Variants in PGPEP1 observed in about 807,000 individuals in gnomAD.
PGPEP1 encodes the protein pyroglutamyl-peptidase I.
A neutral mutation model predicts 24.1 loss-of-function variants in PGPEP1; 15 were observed. The observed-to-expected ratio is 0.62, with a 90% CI of 0.42 to 0.96. PGPEP1 has a LOEUF of 0.96. PGPEP1 is among the 40% of genes least tolerant of loss of function. The probability of loss-of-function intolerance (pLI) is 0.00; values close to 1 mark genes in which losing one functional copy is unlikely to be tolerated. For synonymous variants in PGPEP1, 122 were observed against 116.4 expected, an observed-to-expected ratio of 1.05 and a Z score of -0.31; for missense variants, 242 against 273.4, an observed-to-expected ratio of 0.89 and a Z score of 0.81.
At chr19:18,349,545 G>A (rs541237878) in intron 2 of PGPEP1, among the ~76,000 whole-genome samples, 1 of 152,302 alleles carries the variant, frequency 6.6e-6, no homozygotes, top group East Asian at 1.9e-4. Flanking sequence ...GTGCCCATTA[G>A]GGAAAAGACA....
intron 2 of PGPEP1, among the ~76,000 whole-genome samples, chr19:18,353,479 G>T (rs1971094641): frequency 6.6e-6 from 1 of 152,012 alleles, no homozygotes; most frequent in South Asian, 2.1e-4. Flanking sequence ...TAAAGCACTG[G>T]GATTACAGGC....
At chr19:18,353,121 G>A (rs191433360) in intron 2 of PGPEP1, among the ~76,000 whole-genome samples, 4 of 151,536 alleles carry the variant, frequency 2.6e-5, no homozygotes, top group African/African-American at 9.7e-5. Flanking sequence ...GTTTCACCAC[G>A]TTGGCCAGGT....
At chr19:18,344,698 C>G (rs111399616) in intron 2 of PGPEP1, among the ~76,000 whole-genome samples, 1 of 152,026 alleles carries the variant, frequency 6.6e-6, no homozygotes, top group Non-Finnish European at 1.5e-5. Context: ...ACCCGCTCCC[C>G]GGAGAGCCAG....
chr19:18,346,086 A>G (rs964838710), intron 2 of PGPEP1, among the ~76,000 whole-genome samples: 5 of 151,896 alleles, frequency 3.3e-5, no homozygotes, highest in African/African-American at 1.2e-4. Flanking sequence ...CAGAAGCCCC[A>G]CATAGCCTCT....
At chr19:18,361,929 A>C in intron 4 of PGPEP1, 4 of 967,638 alleles carry the variant, frequency 4.1e-6, no homozygotes, top group Non-Finnish European at 4.9e-6. Context: ...GCTGTACCAC[A>C]TTCCTTGTAA....
rs59936417 is a variant in PGPEP1 at position 18,347,270 on chromosome 19, C to CTTTTTTTTTTTTTTT, written c.87+4363_87+4377dup. Among the ~76,000 whole-genome samples, 270 of 94,386 alleles carry CTTTTTTTTTTTTTTT rather than the reference C, an allele frequency of 2.9e-3. 1 individual carries two copies. Among genetic ancestry groups the CTTTTTTTTTTTTTTT allele is most frequent in the Non-Finnish European group, 4.0e-3 (203 of 51,292 alleles). The allele number at this position is 94,386 out of a possible 152,430, so 61.9% of individuals were successfully genotyped here. ...CTAATTTTTTTTTCTTTCTTTCTTT[C>CTTTTTTTTTTTTTTT]TTTTTTTTTTTTTTTTTTGTAGAGA... On this transcript the variant is annotated intron_variant, in intron 2 of 4. Transcript: ENST00000269919.
intron 4 of PGPEP1, chr19:18,357,886 C>T: frequency 2.1e-6 from 1 of 486,696 alleles, no homozygotes; most frequent in Non-Finnish European, 3.8e-6. Flanking sequence ...TCTCAGTCTT[C>T]CTCCCTGCTG....
At chr19:18,351,525 G>A (rs993900281) in intron 2 of PGPEP1, among the ~76,000 whole-genome samples, 2 of 150,852 alleles carry the variant, frequency 1.3e-5, no homozygotes, top group African/African-American at 4.9e-5. Flanking sequence ...TTGGGAGGCT[G>A]AGGCTGGAGA....
rs1971422438 is a variant in PGPEP1 at position 18,363,649 on chromosome 19, G to A, written c.*66G>A. The stretch of plus-strand genomic sequence containing the variant: ...CCCACGAGGGGACATCCACCCTCTG[G>A]GGTGTGGCCAGGAAAAGACAAGCTC... On this transcript the variant is annotated 3_prime_UTR_variant, in exon 5 of 5. Transcript: ENST00000269919. 2.4e-6 allele frequency: 3 copies of A among 1,265,516 alleles called. No individual in the cohort carries two copies. Among genetic ancestry groups the A allele is most frequent in the Non-Finnish European group, 3.3e-6 (3 of 900,490 alleles). 78.4% of individuals were successfully genotyped at this position (1,265,516 alleles called of 1,614,324 possible).
At chr19:18,344,409 C>A (rs1261644605) in intron 2 of PGPEP1, among the ~76,000 whole-genome samples, 1 of 152,030 alleles carries the variant, frequency 6.6e-6, no homozygotes, top group East Asian at 1.9e-4. Flanking sequence ...CAGAGCCAAA[C>A]CCCTGTTTAT....
chr19:18,342,777 C>T, intron 1 of PGPEP1, 82 bp from the exon 2 acceptor site: 1 of 1,064,200 alleles, frequency 9.4e-7, no homozygotes, highest in Non-Finnish European at 1.5e-6. Flanking sequence ...TCTTGCTTCT[C>T]CAGGTGGGAG....
chr19:18,354,097 T>A (rs965480392), intron 2 of PGPEP1, among the ~76,000 whole-genome samples: 2 of 152,046 alleles, frequency 1.3e-5, no homozygotes, highest in African/African-American at 4.8e-5. Context: ...TAGCTGGGCG[T>A]GATCCCGCAT....
rs1225683786 is a variant in PGPEP1, at chr19:18,368,029, A to T, written c.*4446A>T. The T allele has an allele frequency of 1.3e-5, 2 of 151,908 alleles. No individual in the cohort carries two copies. Among genetic ancestry groups the T allele is most frequent in the African/African-American group, 2.4e-5 (1 of 41,308 alleles). The allele number at this position is 151,908 out of a possible 1,614,324, so 9.4% of individuals were successfully genotyped here. A position where few individuals can be genotyped will look rare whatever the true frequency, so the allele number is the denominator to read the frequency against. ...GCACCTGTAGTCCCAGCTACTTGGG[A>T]GGCTGAGTTGGGAGGCTTATCTGAG... On this transcript the variant is annotated 3_prime_UTR_variant, in exon 5 of 5. Coordinates refer to ENST00000269919, the MANE Select transcript of PGPEP1 (RefSeq NM_017712.4).
chr19:18,361,991 T>A (rs1971358511), intron 4 of PGPEP1: 2 of 496,574 alleles, frequency 4.0e-6, no homozygotes. Flanking sequence ...ACTAAGCCAC[T>A]CCCTGTCAGT....
Position 18,357,628 on chromosome 19 carries a change from G to A in PGPEP1, c.437+13G>A, listed in dbSNP as rs750028114. On this transcript the variant is annotated intron_variant, in intron 4 of 4. Transcript: ENST00000269919. ...AGGATGCCGGCAGGTAGGGCCCTGT[G>A]GGGTGGGAGTGAGTGGGGATTTCCC... The A allele has an allele frequency of 2.5e-6, 4 of 1,570,984 alleles. No individual in the cohort carries two copies. Among genetic ancestry groups the A allele is most frequent in the Non-Finnish European group, 3.5e-6 (4 of 1,152,766 alleles).
At chr19:18,345,544 A>G (rs1005922611) in intron 2 of PGPEP1, among the ~76,000 whole-genome samples, 5 of 150,874 alleles carry the variant, frequency 3.3e-5, no homozygotes, top group Admixed American at 3.3e-4. Flanking sequence ...CCAACATAGC[A>G]AGACCCCATC....
intron 4 of PGPEP1, among the ~76,000 whole-genome samples, chr19:18,359,122 A>T (rs1056376721): frequency 3.3e-5 from 5 of 151,926 alleles, no homozygotes; most frequent in Admixed American, 2.0e-4. Flanking sequence ...ACCCCATCTG[A>T]ACAAGTAAAA....
At position 18,342,887 on chromosome 19, in the gene PGPEP1, G is replaced by T; in HGVS notation, c.63G>T (p.Val21=). 6.2e-7 allele frequency: 1 copy of T among 1,613,924 alleles called. No homozygotes were observed. Among genetic ancestry groups the T allele is most frequent in the Non-Finnish European group, 8.5e-7 (1 of 1,179,806 alleles). Residue 21 remains valine (V), a synonymous_variant, in exon 2 of 5, where the codon GTG becomes GTT. Transcript: ENST00000269919. ...TTGGCCCTTTTGGGGAACACACCGT[G>T]AACGCCAGTTGGATTGCAGTTCAGG... ...TGFGPFGEHT[V]NASWIAVQEL... is the part of the protein sequence containing the mutation.
intron 2 of PGPEP1, among the ~76,000 whole-genome samples, chr19:18,351,204 G>A (rs1458234338): frequency 6.6e-6 from 1 of 151,952 alleles, no homozygotes; most frequent in Non-Finnish European, 1.5e-5. Context: ...GGTGGAGGTT[G>A]CAGTGAGCTC....
Sources: gnomAD v4.1 joint callset for allele counts (sites outside exome capture counted in the v4.1 genomes callset) on GRCh38, gnomAD v4.1.1 for gene constraint, MANE v1.5 for transcripts, NCBI Gene and HGNC (gene_info 2026-07-23, HGNC 2026-07-21) for gene names.